Variants in CTNNA2 observed in about 807,000 individuals in gnomAD.
The protein encoded by CTNNA2 is catenin alpha 2.
A neutral mutation model predicts 101.0 loss-of-function variants in CTNNA2; 42 were observed. The ratio of observed to expected loss-of-function variants is 0.42; its 90% CI spans 0.32 to 0.54. The LOEUF is 0.54. Ranked by LOEUF, CTNNA2 falls within the 20% of genes least tolerant of loss-of-function variation. The pLI is 0.14. For synonymous variants in CTNNA2, 450 were observed against 456.4 expected (o/e 0.99, Z 0.18); for missense variants, 871 against 1,223.1 (o/e 0.71, Z 4.29).
chr2:79,950,734 G>A (rs1266740558), intron 7 of CTNNA2, among the ~76,000 whole-genome samples: 1 of 152,156 alleles, frequency 6.6e-6, no homozygotes, highest in Non-Finnish European at 1.5e-5. Context: ...GCAGGCACTC[G>A]GGATTTTTGA....
At chr2:80,256,275 G>A (rs1672138159) in intron 7 of CTNNA2, among the ~76,000 whole-genome samples, 1 of 151,936 alleles carries the variant, frequency 6.6e-6, no homozygotes, top group Non-Finnish European at 1.5e-5. Flanking sequence ...ATATACACGG[G>A]CTCTATCTAG....
In CTNNA2 at chr2:79,316,180, C is replaced by A. The variant is rs1676492162; in HGVS notation, c.-318+3384C>A. ...GTATGTGGATAGATATCAGGATGTCCCAGCACCATTTATTGAAAATATAAT... is the reference window on the plus strand; with the variant it reads ...GTATGTGGATAGATATCAGGATGTCACAGCACCATTTATTGAAAATATAAT... On this transcript the variant is annotated intron_variant, in intron 3 of 21. Transcript: ENST00000466387. Among the ~76,000 whole-genome samples the A allele has an allele frequency of 2.0e-5, 3 of 151,920 alleles. No homozygotes were observed. In the South Asian group the frequency reaches 6.2e-4, roughly 31 times the overall value.
intron 7 of CTNNA2, among the ~76,000 whole-genome samples, chr2:80,369,429 G>T (rs1056409325): frequency 4.6e-5 from 7 of 152,074 alleles, no homozygotes; most frequent in African/African-American, 4.8e-5. Context: ...ACCCAAGCAT[G>T]CAAGAATGTA....
At chr2:79,205,863 A>C (rs1401304923) in intron 2 of CTNNA2, among the ~76,000 whole-genome samples, 1 of 152,226 alleles carries the variant, frequency 6.6e-6, no homozygotes, top group Non-Finnish European at 1.5e-5. Context: ...TTGAAGATGA[A>C]AACTGGTTCA....
intron 9 of CTNNA2, among the ~76,000 whole-genome samples, chr2:80,464,715 T>A (rs1684716382): frequency 6.6e-6 from 1 of 152,184 alleles, no homozygotes; most frequent in Admixed American, 6.6e-5. Context: ...GGACGAGACC[T>A]TGTTTATGTA....
intron 4 of CTNNA2, among the ~76,000 whole-genome samples, chr2:79,444,196 A>T (rs1261899626): frequency 1.3e-5 from 2 of 152,110 alleles, no homozygotes; most frequent in Non-Finnish European, 2.9e-5. Context: ...CTCCCATAAC[A>T]TGATGAGATG....
At chr2:80,517,803 A>G (rs1315045219) in intron 9 of CTNNA2, among the ~76,000 whole-genome samples, 1 of 152,188 alleles carries the variant, frequency 6.6e-6, no homozygotes, top group Non-Finnish European at 1.5e-5. Flanking sequence ...CATTTTCTGG[A>G]CAATATTTAT....
intron 7 of CTNNA2, among the ~76,000 whole-genome samples, chr2:80,177,598 G>T (rs997933720): frequency 3.9e-5 from 6 of 152,070 alleles, no homozygotes; most frequent in Admixed American, 1.3e-4. Context: ...AATGACAGGG[G>T]TGACTGGGGA....
intron 7 of CTNNA2, among the ~76,000 whole-genome samples, chr2:79,974,345 G>A (rs1690692380): frequency 6.6e-6 from 1 of 152,136 alleles, no homozygotes; most frequent in South Asian, 2.1e-4. Context: ...ATGGGTTTAT[G>A]TGGAATCCTA....
chr2:80,369,178 T>C (rs1327723252), intron 7 of CTNNA2, among the ~76,000 whole-genome samples: 7 of 152,112 alleles, frequency 4.6e-5, no homozygotes, highest in Admixed American at 2.0e-4. Flanking sequence ...CTTATTCTTA[T>C]CTTTTTATAC....
chr2:79,614,507 T>A (rs141736151), intron 1 of CTNNA2, among the ~76,000 whole-genome samples: 2 of 152,222 alleles, frequency 1.3e-5, no homozygotes, highest in African/African-American at 4.8e-5. Flanking sequence ...AGAAAAATGA[T>A]AAGAATTATG....
chr2:79,413,977 T>G (rs1156602559), intron 4 of CTNNA2, among the ~76,000 whole-genome samples: 6 of 148,292 alleles, frequency 4.0e-5, no homozygotes, highest in Admixed American at 3.4e-4. Context: ...ATATATAAGC[T>G]TTTTAGTTTG....
chr2:80,595,285 A>AT (rs1371816851), intron 15 of CTNNA2, among the ~76,000 whole-genome samples: 2 of 139,392 alleles, frequency 1.4e-5, no homozygotes, highest in Admixed American at 6.9e-5. Context: ...TTCTTTTAGG[A>AT]TTTTTTTATT....
chr2:79,343,305 G>A (rs1245784191), intron 3 of CTNNA2, among the ~76,000 whole-genome samples: 1 of 152,016 alleles, frequency 6.6e-6, no homozygotes, highest in Non-Finnish European at 1.5e-5. Flanking sequence ...AAAAAAAATA[G>A]GATATTTATC....
intron 9 of CTNNA2, among the ~76,000 whole-genome samples, chr2:80,449,241 A>T (rs1683300620): frequency 6.6e-6 from 1 of 152,084 alleles, no homozygotes; most frequent in Non-Finnish European, 1.5e-5. Context: ...CAATCATGCC[A>T]CTGCACTCCA....
At chr2:79,637,288 C>T (rs1193303364) in intron 1 of CTNNA2, among the ~76,000 whole-genome samples, 2 of 152,024 alleles carry the variant, frequency 1.3e-5, no homozygotes, top group East Asian at 3.9e-4. Flanking sequence ...AGAGAGAGTA[C>T]AGTTGATGGA....
intron 9 of CTNNA2, among the ~76,000 whole-genome samples, chr2:80,510,928 C>T (rs1688656886): frequency 6.6e-6 from 1 of 151,624 alleles, no homozygotes; most frequent in Non-Finnish European, 1.5e-5. Context: ...ACAGTAATGA[C>T]TCTGCTCTTT....
At chr2:80,357,430 A>C (rs1673943452) in intron 7 of CTNNA2, among the ~76,000 whole-genome samples, 1 of 152,052 alleles carries the variant, frequency 6.6e-6, no homozygotes, top group Non-Finnish European at 1.5e-5. Context: ...CCTTTTGTGC[A>C]TCTCCAGAGG....
chr2:80,018,416 G>A (rs1229475075), intron 7 of CTNNA2, among the ~76,000 whole-genome samples: 4 of 152,238 alleles, frequency 2.6e-5, no homozygotes, highest in South Asian at 4.2e-4. Context: ...TTCACCACTC[G>A]TAATTCAGTG....
Sources: gnomAD v4.1 joint callset for allele counts (sites outside exome capture counted in the v4.1 genomes callset) on GRCh38, gnomAD v4.1.1 for gene constraint, MANE v1.5 for transcripts, NCBI Gene and HGNC (gene_info 2026-07-23, HGNC 2026-07-21) for gene names.